Variants in CHST7 observed in about 807,000 individuals in gnomAD.
The protein encoded by CHST7 is N-acetylglucosamine 6-O-sulfotransferase 4.
Under a neutral mutation model 9.0 loss-of-function variants are expected in CHST7, and 5 were observed. The observed-to-expected ratio is 0.56, with a 90% CI of 0.29 to 1.17. CHST7 has a LOEUF of 1.17. Among genes scored for constraint, CHST7 ranks in the 50% most tolerant of loss-of-function variants. The probability of loss-of-function intolerance (pLI) is 0.08; values close to 1 mark genes in which losing one functional copy is unlikely to be tolerated. For synonymous variants in CHST7, 244 were observed against 237.1 expected, an observed-to-expected ratio of 1.03 and a Z score of -0.27; for missense variants, 377 against 485.1, an observed-to-expected ratio of 0.78 and a Z score of 2.09.
At position 46,575,111 on chromosome X, in the gene CHST7, G is replaced by C. The variant is rs1433068456; in HGVS notation, c.1180G>C (p.Gly394Arg). 4 of 1,107,940 alleles carry C rather than the reference G, an allele frequency of 3.6e-6. No homozygotes were observed. Among genetic ancestry groups the C allele is most frequent in the Middle Eastern group, 2.9e-4 (1 of 3,499 alleles). The allele number at this position is 1,107,940 out of a possible 1,213,427, so 91.3% of individuals were successfully genotyped here. The change falls in exon 1 of 2, where the codon GGG becomes CGG. Residue 394 changes from glycine to arginine, a missense_variant. Gly to Arg is a moderately radical substitution (Grantham distance 125). Coordinates refer to ENST00000276055, the MANE Select transcript of CHST7 (RefSeq NM_019886.4). ...AQLRRLLRFS[G>R]LRALAALDAF... ...GCTGCGCCGCCTGCTGCGCTTCTCC[G>C]GGCTACGCGCGCTCGCAGCGCTCGA...
At chrX:46,580,669 C>G (rs1297244606) in intron 1 of CHST7, among the ~76,000 whole-genome samples, 1 of 111,739 alleles carries the variant, frequency 8.9e-6, no homozygotes, top group African/African-American at 3.3e-5. Flanking sequence ...GGCAGGACCC[C>G]TCAGCTGATG....
intron 1 of CHST7, among the ~76,000 whole-genome samples, chrX:46,595,587 G>C (rs1942589999): frequency 9.1e-6 from 1 of 110,318 alleles, no homozygotes; most frequent in Non-Finnish European, 1.9e-5. Context: ...TTTTTTCAGG[G>C]CTTTTTTGTG....
At chrX:46,597,678 A>AT (rs1474807717) in intron 1 of CHST7, 82 bp from the exon 2 acceptor site, 1 of 112,666 alleles carries the variant, frequency 8.9e-6, no homozygotes, top group Non-Finnish European at 1.9e-5. Context: ...AAAAGGCCTT[A>AT]TGTCATCAGG....
At chrX:46,580,757 G>A (rs1017354526) in intron 1 of CHST7, among the ~76,000 whole-genome samples, 3 of 111,486 alleles carry the variant, frequency 2.7e-5, no homozygotes, top group African/African-American at 9.8e-5. Context: ...TACAAAGCAA[G>A]GGGTGGACAT....
At chrX:46,575,647 A>C (rs1009009532) in intron 1 of CHST7, among the ~76,000 whole-genome samples, 2 of 112,225 alleles carry the variant, frequency 1.8e-5, no homozygotes, top group African/African-American at 6.5e-5. Flanking sequence ...ATGAGAGAGG[A>C]TATTTAGGCG....
Position 46,573,844 on chromosome X carries a change from G to A in CHST7, c.-88G>A. 1.8e-6 allele frequency: 2 copies of A among 1,129,902 alleles called. No homozygotes were observed. Among genetic ancestry groups the A allele is most frequent in the Admixed American group, 2.9e-5 (1 of 34,460 alleles). The allele number at this position is 1,129,902 out of a possible 1,213,427, so 93.1% of individuals were successfully genotyped here. A position where few individuals can be genotyped will look rare whatever the true frequency, so the allele number is the denominator to read the frequency against. On this transcript the variant is annotated 5_prime_UTR_variant, in exon 1 of 2. Transcript: ENST00000276055. ...TGCTCCTCCCGGCGCAGAGGGGCCG[G>A]GAGAGGCCACAGGAGCGGACCTGGC...
Position 46,575,341 on chromosome X carries a change from G to T in CHST7, c.1410G>T (p.Gln470His). 9.4e-7 allele frequency: 1 copy of T among 1,068,609 alleles called. No individual in the cohort carries two copies. Among genetic ancestry groups the T allele is most frequent in the East Asian group, 3.7e-5 (1 of 27,278 alleles). 88.1% of individuals were successfully genotyped at this position (1,068,609 alleles called of 1,213,427 possible). A position where few individuals can be genotyped will look rare whatever the true frequency, so the allele number is the denominator to read the frequency against. Residue 470 changes from glutamine (Q) to histidine (H), a missense_variant, in exon 1 of 2, where the codon CAG becomes CAT. Gln to His is a conservative substitution (Grantham distance 24). Around this residue, in one of 3 missense-constraint regions of CHST7, gnomAD observed 8 missense variants for 24.5 expected, o/e 0.33. Coordinates refer to ENST00000276055, the MANE Select transcript of CHST7 (RefSeq NM_019886.4). ...GCGGAGAGGAGGGCGACGCGGAGCA[G>T]CCCAGGGAAGGGGAGACGCCGCTGG... is the stretch of plus-strand genomic sequence containing the variant. ...PRSGEEGDAE[Q>H]PREGETPLEM...
rs1250200637 is a variant in CHST7, at chrX:46,575,167, G to A, written c.1236G>A (p.Ala412=). 4.6e-6 allele frequency: 5 copies of A among 1,095,419 alleles called. No individual in the cohort carries two copies. In the African/African-American group the frequency reaches 5.8e-5, roughly 13 times the overall value. 90.3% of individuals were successfully genotyped at this position (1,095,419 alleles called of 1,213,427 possible). The part of the protein sequence containing the change: ...DAFALNMTRG[A]AYGADRPFHL... Reference sequence around the variant, plus strand: ...TCGCGCTCAACATGACTCGCGGCGCGGCCTACGGCGCCGACCGGCCCTTCC... The same window carrying A: ...TCGCGCTCAACATGACTCGCGGCGCAGCCTACGGCGCCGACCGGCCCTTCC... Residue 412 remains alanine, a synonymous_variant, in exon 1 of 2, where the codon GCG becomes GCA. Coordinates refer to ENST00000276055, the MANE Select transcript of CHST7 (RefSeq NM_019886.4).
At position 46,592,862 on chromosome X, in the gene CHST7, T is replaced by C. The variant is rs1246657677; in HGVS notation, c.*32-4898T>C. Among the ~76,000 whole-genome samples, 3 of 108,288 alleles carry C rather than the reference T, an allele frequency of 2.8e-5. No individual in the cohort carries two copies. In the East Asian group the frequency reaches 8.7e-4, roughly 31 times the overall value. 94.0% of individuals were successfully genotyped at this position (108,288 alleles called of 115,157 possible). ...TTGAGATCTTTTTTTCTCATGTATG[T>C]ATCTAGTGTTACACATTTTCCTCTT... On this transcript the variant is annotated intron_variant, in intron 1 of 1. Transcript: ENST00000276055.
At chrX:46,579,830 A>AT (rs949976049) in intron 1 of CHST7, among the ~76,000 whole-genome samples, 15 of 108,939 alleles carry the variant, frequency 1.4e-4, no homozygotes, top group East Asian at 5.8e-4. Flanking sequence ...CATCTTTACA[A>AT]TTTTTTTTTA....
At chrX:46,589,928 T>C (rs927040407) in intron 1 of CHST7, among the ~76,000 whole-genome samples, 3 of 111,931 alleles carry the variant, frequency 2.7e-5, no homozygotes, top group Non-Finnish European at 5.6e-5. Context: ...CAGCCAGCAA[T>C]AGTTCTTTCA....
At chrX:46,584,592 A>C (rs956521332) in intron 1 of CHST7, among the ~76,000 whole-genome samples, 2 of 106,891 alleles carry the variant, frequency 1.9e-5, no homozygotes, top group African/African-American at 6.9e-5. Flanking sequence ...TCTCTGGGCC[A>C]GTAGGCCAGT....
rs1465399852 is a variant in CHST7, at chrX:46,575,168, G to A, written c.1237G>A (p.Ala413Thr). The change falls in exon 1 of 2, where the codon GCC becomes ACC. Residue 413 changes from alanine (A) to threonine (T), a missense_variant. Around this residue, in one of 3 missense-constraint regions of CHST7, gnomAD observed 130 missense variants for 134.9 expected, o/e 0.96. Coordinates refer to ENST00000276055, the MANE Select transcript of CHST7 (RefSeq NM_019886.4). ...CGCGCTCAACATGACTCGCGGCGCG[G>A]CCTACGGCGCCGACCGGCCCTTCCA... ...AFALNMTRGAAYGADRPFHLS... is the reference protein window; with the variant it reads ...AFALNMTRGATYGADRPFHLS... 6.0e-5 allele frequency: 66 copies of A among 1,095,622 alleles called. No individual in the cohort carries two copies. The highest frequency in any genetic ancestry group is 7.7e-5 in the Non-Finnish European group (65 of 848,132). The allele number at this position is 1,095,622 out of a possible 1,213,427, so 90.3% of individuals were successfully genotyped here.
chrX:46,574,804 G>A lies in CHST7; in HGVS notation c.873G>A (p.Arg291=), dbSNP rs746214435. ...RAVHNSRLKS[R]QGLLRESIQV... is the part of the protein sequence containing the mutation. ...TGCACAACTCGCGCCTCAAGTCTAG[G>A]CAGGGACTGCTGCGCGAGAGCATCC... The change falls in exon 1 of 2, where the codon AGG becomes AGA. Residue 291 remains arginine (R), a synonymous_variant. Coordinates refer to ENST00000276055, the MANE Select transcript of CHST7 (RefSeq NM_019886.4). 83 of 1,197,214 alleles carry A rather than the reference G, an allele frequency of 6.9e-5. No homozygotes were observed. The highest frequency in any genetic ancestry group is 9.1e-5 in the Non-Finnish European group (81 of 888,671).
chrX:46,578,997 C>T (rs757328925), intron 1 of CHST7, among the ~76,000 whole-genome samples: 2 of 111,000 alleles, frequency 1.8e-5, no homozygotes, highest in Non-Finnish European at 3.8e-5. Flanking sequence ...AGTCCCCAGA[C>T]TCAGGCACTG....
At chrX:46,595,905 A>G (rs1433416575) in intron 1 of CHST7, among the ~76,000 whole-genome samples, 1 of 111,474 alleles carries the variant, frequency 9.0e-6, no homozygotes, top group East Asian at 2.8e-4. Context: ...TGGGAGGCTG[A>G]GGCGGGCTGA....
chrX:46,596,045 C>T (rs748672223), intron 1 of CHST7, among the ~76,000 whole-genome samples: 3 of 107,613 alleles, frequency 2.8e-5, no homozygotes, highest in Non-Finnish European at 5.8e-5. Context: ...GGCTGAGGCA[C>T]GAGAATCGCT....
rs1775952442 is a variant in CHST7 at position 46,575,009 on chromosome X, C to G, written c.1078C>G (p.Arg360Gly). ...EAWLRDLLFARGAPAWLRRRY... is the reference protein window; with the variant it reads ...EAWLRDLLFAGGAPAWLRRRY... ...CTGGCTGCGCGATCTGCTTTTCGCGCGCGGCGCGCCCGCCTGGCTGCGGCG... is the reference window on the plus strand; with the variant it reads ...CTGGCTGCGCGATCTGCTTTTCGCGGGCGGCGCGCCCGCCTGGCTGCGGCG... The change falls in exon 1 of 2, where the codon CGC becomes GGC. Residue 360 changes from arginine to glycine, a missense_variant. Transcript: ENST00000276055. The G allele has an allele frequency of 8.9e-7, 1 of 1,127,195 alleles. No homozygotes were observed. Among genetic ancestry groups the G allele is most frequent in the Non-Finnish European group, 1.2e-6 (1 of 864,933 alleles). The allele number at this position is 1,127,195 out of a possible 1,213,427, so 92.9% of individuals were successfully genotyped here. A position where few individuals can be genotyped will look rare whatever the true frequency, so the allele number is the denominator to read the frequency against.
At chrX:46,591,666 C>T (rs1426216662) in intron 1 of CHST7, among the ~76,000 whole-genome samples, 6 of 111,271 alleles carry the variant, frequency 5.4e-5, no homozygotes, top group African/African-American at 3.3e-5. Flanking sequence ...TGAGCCACCG[C>T]GCCTGGCCGA....
Sources: allele counts gnomAD v4.1 joint callset (sites outside exome capture counted in the v4.1 genomes callset), GRCh38; gene constraint gnomAD v4.1.1; regional missense constraint gnomAD v4.1.1; transcripts MANE v1.5; gene names NCBI Gene and HGNC (gene_info 2026-07-23, HGNC 2026-07-21).